PLCH1: variants seen among roughly 807,000 people sequenced by gnomAD.
PLCH1 encodes the protein 1-phosphatidylinositol 4,5-bisphosphate phosphodiesterase eta-1.
In PLCH1, 60 loss-of-function variants were observed where a neutral mutation model predicts 126.7. The ratio of observed to expected loss-of-function variants is 0.47; its 90% CI spans 0.38 to 0.59. The LOEUF is 0.59. Among genes scored for constraint, PLCH1 ranks in the 20% least tolerant of loss-of-function variants. The pLI, the probability that PLCH1 is intolerant of heterozygous loss-of-function variation, is 0.00. For missense variants in PLCH1, 1,723 were observed against 2,040.0 expected, an observed-to-expected ratio of 0.84 and a Z score of 2.99; for synonymous variants, 719 against 734.9, an observed-to-expected ratio of 0.98 and a Z score of 0.35.
chr3:155,610,382 A>C (rs1392811804), intron 2 of PLCH1, among the ~76,000 whole-genome samples: 2 of 149,964 alleles, frequency 1.3e-5, no homozygotes, highest in Admixed American at 6.7e-5. Context: ...AAAAAAAAAA[A>C]AAAAAAACCA....
chr3:155,676,840 T>TA (rs10673783), intron 2 of PLCH1, among the ~76,000 whole-genome samples: 128 of 150,422 alleles, frequency 8.5e-4, no homozygotes, highest in African/African-American at 2.1e-3. Flanking sequence ...TTCTCATGTT[T>TA]AAAAAAAAAA....
rs76003362 is a variant in PLCH1, at chr3:155,593,806, C to T, written c.470+135G>A. On this transcript the variant is annotated intron_variant, in intron 4 of 22. Transcript: ENST00000460012. ...GAGTGAGAGTCAGGAGGGGAGAAGA[C>T]GGTGTGAGGGGTAAAGAAAGAGAAA... 2.0e-3 allele frequency: 1,570 copies of T among 771,332 alleles called. 18 individuals are homozygous for T. In the African/African-American group the frequency reaches 0.023, roughly 11 times the overall value. 47.8% of individuals were successfully genotyped at this position (771,332 alleles called of 1,614,324 possible). A position where few individuals can be genotyped will look rare whatever the true frequency, so the allele number is the denominator to read the frequency against.
chr3:155,659,303 T>C (rs1028201000), intron 2 of PLCH1, among the ~76,000 whole-genome samples: 9 of 29,030 alleles, frequency 3.1e-4, no homozygotes, highest in Non-Finnish European at 4.8e-4. Context: ...TATTCACTTC[T>C]TTTTTTTTTT....
chr3:155,663,073 G>C (rs745543986), intron 2 of PLCH1, among the ~76,000 whole-genome samples: 3 of 152,108 alleles, frequency 2.0e-5, no homozygotes, highest in Non-Finnish European at 4.4e-5. Context: ...AAACAATCAT[G>C]GTGTGCCAGC....
At chr3:155,698,986 C>CTT (rs35308889) in intron 2 of PLCH1, among the ~76,000 whole-genome samples, 75 of 138,284 alleles carry the variant, frequency 5.4e-4, no homozygotes, top group African/African-American at 1.4e-3. Context: ...GGCCTATCTT[C>CTT]TTTTTTTTTT....
chr3:155,525,974 C>T (rs996777533), intron 10 of PLCH1, among the ~76,000 whole-genome samples: 6 of 152,130 alleles, frequency 3.9e-5, no homozygotes, highest in Non-Finnish European at 7.4e-5. Flanking sequence ...CTAAAAAGGA[C>T]AGCAGGGGGT....
intron 10 of PLCH1, among the ~76,000 whole-genome samples, chr3:155,549,028 C>T (rs1183716593): frequency 6.6e-6 from 1 of 152,170 alleles, no homozygotes; most frequent in Admixed American, 6.5e-5. Flanking sequence ...TTTTAATACC[C>T]TATTGCTTTC....
intron 1 of PLCH1, among the ~76,000 whole-genome samples, chr3:155,722,241 G>T (rs149648686): frequency 4.7e-4 from 71 of 151,798 alleles, no homozygotes; most frequent in Admixed American, 5.2e-4. Context: ...TCGGCTCACC[G>T]CAACCTCTGC....
At chr3:155,592,327 C>CAAAAAAAAAA (rs11426252) in intron 4 of PLCH1, among the ~76,000 whole-genome samples, 1 of 122,794 alleles carries the variant, frequency 8.1e-6, no homozygotes, top group Non-Finnish European at 1.7e-5. Context: ...ACTAAAAATA[C>CAAAAAAAAAA]AAAAAAAAAA....
intron 1 of PLCH1, among the ~76,000 whole-genome samples, chr3:155,733,934 CATATATATATATATATATATATATATAT>C (rs35149793): frequency 0.15 from 14,450 of 98,344 alleles, 1,288 homozygotes; most frequent in Non-Finnish European, 0.21. Context: ...AACAGGTATA[CATATATATATATATATATATATATATAT>C]ATATATATAT....
At chr3:155,648,951 C>T (rs375841543) in intron 2 of PLCH1, among the ~76,000 whole-genome samples, 27 of 152,272 alleles carry the variant, frequency 1.8e-4, no homozygotes, top group Admixed American at 2.6e-4. Flanking sequence ...GCAGGGCCAA[C>T]GACATAGGCC....
intron 4 of PLCH1, among the ~76,000 whole-genome samples, chr3:155,588,969 T>C (rs1731741034): frequency 1.3e-5 from 2 of 152,230 alleles, no homozygotes; most frequent in Non-Finnish European, 2.9e-5. Context: ...AAAAATGTCC[T>C]GATATCTTAA....
intron 2 of PLCH1, among the ~76,000 whole-genome samples, chr3:155,623,353 A>C (rs532538176): frequency 2.6e-3 from 389 of 152,284 alleles, no homozygotes; most frequent in African/African-American, 9.1e-3. Context: ...GAACTAGAGA[A>C]GCAAGAGCAA....
chr3:155,523,157 T>C (rs915342823), intron 11 of PLCH1, among the ~76,000 whole-genome samples: 19 of 151,766 alleles, frequency 1.3e-4, no homozygotes, highest in Non-Finnish European at 2.2e-4. Flanking sequence ...TTTGTATTTT[T>C]AGTAGAGACG....
intron 2 of PLCH1, among the ~76,000 whole-genome samples, chr3:155,682,537 C>T (rs1448024968): frequency 6.6e-6 from 1 of 152,162 alleles, no homozygotes; most frequent in Non-Finnish European, 1.5e-5. Flanking sequence ...CTACACCTTA[C>T]GAAGTCCTCT....
chr3:155,654,357 T>C (rs1741119519), intron 2 of PLCH1, among the ~76,000 whole-genome samples: 3 of 152,242 alleles, frequency 2.0e-5, no homozygotes, highest in African/African-American at 7.2e-5. Context: ...TGATTTTAAA[T>C]ACGTGATGAT....
At chr3:155,690,619 A>G (rs1850848) in intron 2 of PLCH1, among the ~76,000 whole-genome samples, 33,969 of 151,982 alleles carry the variant, frequency 0.22, 4,258 homozygotes, top group African/African-American at 0.35. Context: ...CTCCTTGGGA[A>G]TCTGAGTATC....
chr3:155,704,146 C>A lies in PLCH1; in HGVS notation c.79G>T (p.Val27Phe). ...TACATAAATACAAGAGACAGCTTAC[C>A]ATGAAACACACTGTTGTCCACCAGA... is the stretch of plus-strand genomic sequence containing the variant. ...HFLVDNSVFH[V>F]ERCMSVMQSG... Residue 27 changes from valine to phenylalanine, a missense_variant and splice_region_variant, in exon 2 of 23, where the codon GTT becomes TTT. This residue lies in a region of PLCH1 where 776 missense variants were observed against 1,062.9 expected (regional missense o/e 0.73). Coordinates refer to ENST00000460012, the MANE Select transcript of PLCH1 (RefSeq NM_014996.4). 8.3e-7 allele frequency: 1 copy of A among 1,207,928 alleles called. No homozygotes were observed. Among genetic ancestry groups the A allele is most frequent in the Non-Finnish European group, 1.0e-6 (1 of 966,268 alleles). 74.8% of individuals were successfully genotyped at this position (1,207,928 alleles called of 1,614,324 possible). A position where few individuals can be genotyped will look rare whatever the true frequency, so the allele number is the denominator to read the frequency against.
chr3:155,725,625 A>C (rs1259421798), intron 1 of PLCH1, among the ~76,000 whole-genome samples: 1 of 151,976 alleles, frequency 6.6e-6, no homozygotes, highest in African/African-American at 2.4e-5. Flanking sequence ...TTTTTAGTAG[A>C]GACGGGGTTT....
Sources: gnomAD v4.1 joint callset for allele counts (sites outside exome capture counted in the v4.1 genomes callset) on GRCh38, gnomAD v4.1.1 for gene constraint, gnomAD v4.1.1 regional missense constraint, MANE v1.5 for transcripts, NCBI Gene and HGNC (gene_info 2026-07-23, HGNC 2026-07-21) for gene names.